Variants in ASB4 observed in about 807,000 individuals in gnomAD.
ASB4 encodes ankyrin repeat and SOCS box containing 4.
A neutral mutation model predicts 38.6 loss-of-function variants in ASB4; 35 were observed. The observed-to-expected ratio is 0.91, with a 90% CI of 0.69 to 1.20. ASB4 has a LOEUF of 1.20. Ranked by LOEUF, ASB4 falls within the 50% of genes most tolerant of loss-of-function variation. The probability of loss-of-function intolerance (pLI) is 0.00; values close to 1 mark genes in which losing one functional copy is unlikely to be tolerated. For missense variants in ASB4, 557 were observed against 527.2 expected (o/e 1.06, Z -0.55); for synonymous variants, 195 against 201.3 (o/e 0.97, Z 0.26).
the ASB4 span, among the ~76,000 whole-genome samples, chr7:95,546,680 T>G: frequency 6.6e-6 from 1 of 152,196 alleles, no homozygotes; most frequent in Non-Finnish European, 1.5e-5. Flanking sequence ...ATAGGCAAGG[T>G]GAAATACATT....
chr7:95,489,912 C>G (rs1790147764), intron 1 of ASB4, among the ~76,000 whole-genome samples: 1 of 152,172 alleles, frequency 6.6e-6, no homozygotes, highest in African/African-American at 2.4e-5. Flanking sequence ...AAGGACTGTC[C>G]ATAAAACTGT....
the ASB4 span, among the ~76,000 whole-genome samples, chr7:95,471,009 C>G: frequency 1.3e-5 from 2 of 152,136 alleles, no homozygotes; most frequent in African/African-American, 2.4e-5. Context: ...TTTCCATTTT[C>G]AGTCATCCTT....
Sources: allele counts gnomAD v4.1 joint callset (sites outside exome capture counted in the v4.1 genomes callset), GRCh38; gene constraint gnomAD v4.1.1; transcripts MANE v1.5; gene names NCBI Gene and HGNC (gene_info 2026-07-23, HGNC 2026-07-21).